Variants in TEX15 observed in about 807,000 individuals in gnomAD.
TEX15 encodes the protein testis-expressed protein 15.
In TEX15, 171 loss-of-function variants were observed where a neutral mutation model predicts 237.3. That is an observed-to-expected ratio of 0.72 (90% CI 0.64 to 0.82). The LOEUF (loss-of-function observed/expected upper bound fraction) is 0.82. Among genes scored for constraint, TEX15 ranks in the 40% least tolerant of loss-of-function variants. TEX15 has a pLI of 0.00. For synonymous variants in TEX15, 1,338 were observed against 1,269.8 expected, an observed-to-expected ratio of 1.05 and a Z score of -1.14; for missense variants, 3,750 against 3,646.5, an observed-to-expected ratio of 1.03 and a Z score of -0.73.
At position 30,844,869 on chromosome 8, in the gene TEX15, A is replaced by T; in HGVS notation, c.5298T>A (p.Leu1766=). The change falls in exon 8 of 11, where the codon CTT becomes CTA. Residue 1766 remains leucine, a synonymous_variant. Coordinates refer to ENST00000643185, the MANE Select transcript of TEX15 (RefSeq NM_001350162.2). The part of the protein sequence containing the change: ...HCEQSCREKE[L]LKTEQCSSGN... Reference sequence around the variant, plus strand: ...CTGAAGAGCACTGTTCTGTCTTTAGAAGCTCTTTTTCTCTACAGCTCTGCT... The same window carrying T: ...CTGAAGAGCACTGTTCTGTCTTTAGTAGCTCTTTTTCTCTACAGCTCTGCT... 6.2e-7 allele frequency: 1 copy of T among 1,613,446 alleles called. No individual in the cohort carries two copies. Among genetic ancestry groups the T allele is most frequent in the Non-Finnish European group, 8.5e-7 (1 of 1,179,572 alleles).
At chr8:30,901,968 G>A (rs1010950032) in intron 1 of TEX15, among the ~76,000 whole-genome samples, 3 of 152,152 alleles carry the variant, frequency 2.0e-5, no homozygotes, top group East Asian at 1.9e-4. Context: ...TTCTGGTCTA[G>A]TGAACTAGGG....
intron 2 of TEX15, among the ~76,000 whole-genome samples, chr8:30,895,820 A>G (rs1383637503): frequency 6.6e-6 from 1 of 151,210 alleles, no homozygotes; most frequent in African/African-American, 2.4e-5. Context: ...AGCTGGGACT[A>G]CAGGCATCTG....
In TEX15 at chr8:30,838,065, T is replaced by C; in HGVS notation, c.8223-4A>G. The C allele has an allele frequency of 6.3e-7, 1 of 1,598,200 alleles. No homozygotes were observed. On this transcript the variant is annotated splice_region_variant and splice_polypyrimidine_tract_variant and intron_variant, in intron 9 of 10. Coordinates refer to ENST00000643185, the MANE Select transcript of TEX15 (RefSeq NM_001350162.2). ...TTTGGGATGAGATCCTGTAGTCCTA[T>C]TAGGTGCAACACATACATAAAAATG... is the stretch of plus-strand genomic sequence containing the variant.
intron 9 of TEX15, among the ~76,000 whole-genome samples, chr8:30,839,686 T>TA (rs1807397320): frequency 6.6e-6 from 1 of 152,242 alleles, no homozygotes; most frequent in South Asian, 2.1e-4. Flanking sequence ...CACATGACTT[T>TA]AGCCTTTAAT....
chr8:30,890,477 T>G (rs753244416), intron 2 of TEX15: 32 of 152,098 alleles, frequency 2.1e-4, no homozygotes, highest in Non-Finnish European at 2.9e-4. Flanking sequence ...CTAGCTCACC[T>G]CCCACTCCCT....
At chr8:30,870,032 T>G (rs540288218) in intron 4 of TEX15, among the ~76,000 whole-genome samples, 2 of 152,062 alleles carry the variant, frequency 1.3e-5, no homozygotes, top group Non-Finnish European at 2.9e-5. Context: ...CTGTCACCTC[T>G]GAACCCTGCA....
In TEX15 at chr8:30,846,186, C is replaced by G; in HGVS notation, c.3981G>C (p.Lys1327Asn). 1.2e-6 allele frequency: 2 copies of G among 1,613,234 alleles called. No individual in the cohort carries two copies. The highest frequency in any genetic ancestry group is 1.7e-6 in the Non-Finnish European group (2 of 1,179,608). ...DLRRHKIYGR[K>N]RRLTSQDSSE... ...ATGAGTCTTGACTGGTTAGCCTCCT[C>G]TTTCTCCCATAAATTTTATGTCGTC... Residue 1327 changes from lysine to asparagine, a missense_variant, in exon 8 of 11, where the codon AAG becomes AAC. Lys to Asn is a moderately conservative substitution (Grantham distance 94). Transcript: ENST00000643185.
Position 30,848,043 on chromosome 8 carries a change from T to G in TEX15, c.2124A>C (p.Ala708=), listed in dbSNP as rs778315178. ...AACTTGGAGTAATTTGCCATTCCAA[T>G]GCTAGATGATCTAGTTCATCCTTAT... is the stretch of plus-strand genomic sequence containing the variant. ...IKDKDELDHL[A]LEWQITPSFE... Residue 708 remains alanine, a synonymous_variant, in exon 8 of 11, where the codon GCA becomes GCC. Transcript: ENST00000643185. 6.2e-7 allele frequency: 1 copy of G among 1,613,936 alleles called. No homozygotes were observed. Among genetic ancestry groups the G allele is most frequent in the African/African-American group, 1.3e-5 (1 of 75,068 alleles).
chr8:30,877,943 T>C (rs1031601601), intron 3 of TEX15, among the ~76,000 whole-genome samples: 1 of 152,298 alleles, frequency 6.6e-6, no homozygotes, highest in Admixed American at 6.5e-5. Context: ...CACTCCTTTA[T>C]ATATTTTTTC....
At chr8:30,868,386 T>A (rs1808220682) in intron 4 of TEX15, among the ~76,000 whole-genome samples, 1 of 151,960 alleles carries the variant, frequency 6.6e-6, no homozygotes. Flanking sequence ...GTTCAGACAC[T>A]AGGGTCCAAA....
intron 5 of TEX15, among the ~76,000 whole-genome samples, chr8:30,865,493 A>T (rs182177736): frequency 1.6e-4 from 24 of 152,244 alleles, no homozygotes; most frequent in Admixed American, 1.5e-3. Context: ...AAAACCAAAG[A>T]CAACGAAAGA....
intron 7 of TEX15, among the ~76,000 whole-genome samples, chr8:30,852,098 A>ATTT (rs1369995680): frequency 9.0e-5 from 11 of 121,778 alleles, no homozygotes; most frequent in South Asian, 2.4e-4. Context: ...CATTAATTTA[A>ATTT]TCTTTTTTTT....
rs1343867842 is a variant in TEX15, at chr8:30,887,375, CA to C, written c.-9-65del. 21 of 1,313,382 alleles carry C rather than the reference CA, an allele frequency of 1.6e-5. No individual in the cohort carries two copies. The East Asian group carries it at 5.7e-4, about 36-fold the overall frequency. The allele number at this position is 1,313,382 out of a possible 1,614,324, so 81.4% of individuals were successfully genotyped here. On this transcript the variant is annotated intron_variant, in intron 2 of 10. Transcript: ENST00000643185. The stretch of plus-strand genomic sequence containing the variant: ...AAATACATAAAAGGCAATGGCAGTA[CA>C]ATCATTTAAAAGTTCTTCAACAAAA...
chr8:30,848,895 T>A lies in TEX15; in HGVS notation c.1272A>T (p.Thr424=). ...FPLHNNTGSS[T]VTTSKSIKDP... is the part of the protein sequence containing the mutation. ...CTTTGATGGATTTTGAAGTAGTGAC[T>A]GTGCTTGAGCCAGTATTGTTGTGAA... The change falls in exon 8 of 11, where the codon ACA becomes ACT. Residue 424 remains threonine (T), a synonymous_variant. Transcript: ENST00000643185. 3 of 1,614,204 alleles carry A rather than the reference T, an allele frequency of 1.9e-6. No individual in the cohort carries two copies. The highest frequency in any genetic ancestry group is 1.7e-6 in the Non-Finnish European group (2 of 1,180,026).
chr8:30,855,406 T>G (rs1807888252), intron 7 of TEX15, among the ~76,000 whole-genome samples: 1 of 152,152 alleles, frequency 6.6e-6, no homozygotes, highest in East Asian at 1.9e-4. Flanking sequence ...AAACTATACT[T>G]CACACCCACT....
chr8:30,873,198 T>C (rs1226675857), intron 4 of TEX15, among the ~76,000 whole-genome samples: 2 of 152,166 alleles, frequency 1.3e-5, no homozygotes, highest in Non-Finnish European at 2.9e-5. Flanking sequence ...TTGGGAAAGA[T>C]TTAATGCAAC....
At chr8:30,892,962 G>C (rs1325728286) in intron 2 of TEX15, among the ~76,000 whole-genome samples, 1 of 151,718 alleles carries the variant, frequency 6.6e-6, no homozygotes, top group Non-Finnish European at 1.5e-5. Context: ...GAACCCGGGA[G>C]GTGGAGCTTG....
rs1169769175 is a variant in TEX15 at position 30,843,856 on chromosome 8, C to G, written c.6311G>C (p.Trp2104Ser). The change falls in exon 8 of 11, where the codon TGG becomes TCG. Residue 2104 changes from tryptophan (W) to serine (S), a missense_variant. Coordinates refer to ENST00000643185, the MANE Select transcript of TEX15 (RefSeq NM_001350162.2). The part of the protein sequence containing the change: ...EGEPTLRSLL[W>S]YDETLYAELL... ...CTCAGCATACAGTGTTTCATCATAC[C>G]AAAGCAAGCTTCGCAATGTTGGTTC... The G allele has an allele frequency of 8.7e-6, 14 of 1,612,204 alleles. No individual in the cohort carries two copies. The highest frequency in any genetic ancestry group is 1.2e-5 in the Non-Finnish European group (14 of 1,179,256).
chr8:30,843,555 A>T lies in TEX15; in HGVS notation c.6612T>A (p.Ser2204Arg). 1 of 1,613,218 alleles carries T rather than the reference A, an allele frequency of 6.2e-7. No homozygotes were observed. ...PFTCGVNFGDSLEDLEILRKS... is the reference protein window; with the variant it reads ...PFTCGVNFGDRLEDLEILRKS... Reference sequence around the variant, plus strand: ...TTCTTAAGATTTCCAGGTCTTCTAAACTATCTCCAAAGTTAACTCCACAGG... The same window carrying T: ...TTCTTAAGATTTCCAGGTCTTCTAATCTATCTCCAAAGTTAACTCCACAGG... The change falls in exon 8 of 11, where the codon AGT becomes AGA. Residue 2204 changes from serine to arginine, a missense_variant. Physicochemically the swap from Ser to Arg is moderately radical, Grantham distance 110. Transcript: ENST00000643185.
Sources: allele counts gnomAD v4.1 joint callset (sites outside exome capture counted in the v4.1 genomes callset), GRCh38; gene constraint gnomAD v4.1.1; transcripts MANE v1.5; gene names NCBI Gene and HGNC (gene_info 2026-07-23, HGNC 2026-07-21).